TTF1: variants seen among roughly 807,000 people sequenced by gnomAD.
The protein encoded by TTF1 is transcription termination factor, RNA polymerase I.
In TTF1, 64 loss-of-function variants were observed where a neutral mutation model predicts 80.2. The observed-to-expected ratio is 0.80, with a 90% confidence interval of 0.65 to 0.98. TTF1 has a LOEUF of 0.98. Among genes scored for constraint, TTF1 ranks in the 50% least tolerant of loss-of-function variants. TTF1 has a pLI of 0.00. For missense variants in TTF1, 1,023 were observed against 1,086.2 expected, an observed-to-expected ratio of 0.94 and a Z score of 0.82; for synonymous variants, 372 against 382.7, an observed-to-expected ratio of 0.97 and a Z score of 0.33.
chr9:132,398,507 A>G (rs1432009915), intron 3 of TTF1, among the ~76,000 whole-genome samples, 181 bp from the exon 4 acceptor site: 1 of 152,012 alleles, frequency 6.6e-6, no homozygotes, highest in East Asian at 1.9e-4. Context: ...CCCAAGCCAC[A>G]CCTCTTCTGT....
chr9:132,387,654 C>T (rs891937028), intron 8 of TTF1, among the ~76,000 whole-genome samples: 5 of 152,086 alleles, frequency 3.3e-5, no homozygotes, highest in Admixed American at 1.3e-4. Context: ...CATCACGAAA[C>T]GGGCCCATGT....
intron 1 of TTF1, among the ~76,000 whole-genome samples, chr9:132,405,907 C>T (rs1252014530): frequency 5.3e-5 from 8 of 152,236 alleles, no homozygotes; most frequent in Non-Finnish European, 1.2e-4. Flanking sequence ...TGCCCTTTAA[C>T]TGGTCCAAGT....
rs149083466 is a variant in TTF1, at chr9:132,403,915, G to C, written c.-7-1087C>G. 3.8e-3 allele frequency among the ~76,000 whole-genome samples: 573 copies of C among 152,216 alleles called. 3 individuals carry two copies. The highest frequency in any genetic ancestry group is 0.013 in the African/African-American group (530 of 41,554). ...AGAGCGGACGTTCTGCGATACACTG[G>C]AATAAATTTCACAAGCCACTAACGT... On this transcript the variant is annotated intron_variant, in intron 1 of 10. Coordinates refer to ENST00000334270, the MANE Select transcript of TTF1 (RefSeq NM_007344.4).
intron 6 of TTF1, among the ~76,000 whole-genome samples, chr9:132,391,145 T>G (rs563949231): frequency 2.4e-4 from 37 of 152,332 alleles, no homozygotes; most frequent in Admixed American, 1.8e-3. Flanking sequence ...TTCCCAAACA[T>G]TTAATGGGGG....
At chr9:132,380,565 T>C (rs1181465322) in intron 9 of TTF1, among the ~76,000 whole-genome samples, 2 of 152,194 alleles carry the variant, frequency 1.3e-5, no homozygotes, top group Non-Finnish European at 2.9e-5. Context: ...CCCATAATGC[T>C]GTGCGCCCAA....
In TTF1 at chr9:132,379,630, C is replaced by T. The variant is rs563938819; in HGVS notation, c.2379-486G>A. 5.3e-5 allele frequency among the ~76,000 whole-genome samples: 8 copies of T among 152,288 alleles called. No individual in the cohort carries two copies. The South Asian group carries it at 1.7e-3, about 32-fold the overall frequency. On this transcript the variant is annotated intron_variant, in intron 9 of 10. Transcript: ENST00000334270. ...CTCACATGGCTAATCAGGGATAGAGCTGGGACTTCATCAAGTAGTGTGACT... is the reference window on the plus strand; with the variant it reads ...CTCACATGGCTAATCAGGGATAGAGTTGGGACTTCATCAAGTAGTGTGACT...
rs1371589855 is a variant in TTF1, at chr9:132,386,685, C to T, written c.2313-64G>A. 9 of 1,349,148 alleles carry T rather than the reference C, an allele frequency of 6.7e-6. No homozygotes were observed. In the South Asian group the frequency reaches 7.2e-5, roughly 11 times the overall value. 83.6% of individuals were successfully genotyped at this position (1,349,148 alleles called of 1,614,324 possible). ...TAATCATGATAGCCATCTTCATGGACGCGTGGAGTGCTGAGAGCTGGAAGG... is the reference window on the plus strand; with the variant it reads ...TAATCATGATAGCCATCTTCATGGATGCGTGGAGTGCTGAGAGCTGGAAGG... On this transcript the variant is annotated intron_variant, in intron 8 of 10. Transcript: ENST00000334270.
In TTF1 at chr9:132,406,590, A is replaced by G. The variant is rs191275863; in HGVS notation, c.-8+200T>C. On this transcript the variant is annotated intron_variant, in intron 1 of 10. Coordinates refer to ENST00000334270, the MANE Select transcript of TTF1 (RefSeq NM_007344.4). Reference sequence around the variant, plus strand: ...GCACTCCAGCCTGGGCGACAAGAGCAAAACTCCATCTTTAAAAAAAAAAAA... The same window carrying G: ...GCACTCCAGCCTGGGCGACAAGAGCGAAACTCCATCTTTAAAAAAAAAAAA... Among the ~76,000 whole-genome samples, 3 of 138,514 alleles carry G rather than the reference A, an allele frequency of 2.2e-5. No individual in the cohort carries two copies. In the East Asian group the frequency reaches 6.1e-4, roughly 28 times the overall value. The allele number at this position is 138,514 out of a possible 152,430, so 90.9% of individuals were successfully genotyped here. A position where few individuals can be genotyped will look rare whatever the true frequency, so the allele number is the denominator to read the frequency against.
At chr9:132,399,742 G>A (rs1381989091) in intron 3 of TTF1, among the ~76,000 whole-genome samples, 3 of 152,114 alleles carry the variant, frequency 2.0e-5, no homozygotes, top group Admixed American at 6.5e-5. Context: ...CATTTCCAGT[G>A]TCTCAACCAA....
At chr9:132,392,287 T>C (rs1015792796) in intron 5 of TTF1, 81 bp from the exon 6 acceptor site, 3 of 1,541,988 alleles carry the variant, frequency 1.9e-6, no homozygotes. Context: ...TACGCAGCAA[T>C]CGTGGGGAAA....
At position 132,377,173 on chromosome 9, in the gene TTF1, TGTG is replaced by T. The variant is rs558410347; in HGVS notation, c.2465-1008_2465-1006del. ...TGCATGCATGTGGTGAGTGCATGCATGTGGTGTGTGAGTGCATGCATGTGGTGT... is the reference window on the plus strand; with the variant it reads ...TGCATGCATGTGGTGAGTGCATGCATGTGTGTGAGTGCATGCATGTGGTGT... On this transcript the variant is annotated intron_variant, in intron 10 of 10. Coordinates refer to ENST00000334270, the MANE Select transcript of TTF1 (RefSeq NM_007344.4). Among the ~76,000 whole-genome samples the T allele has an allele frequency of 4.1e-5, 6 of 145,186 alleles. No homozygotes were observed. In the East Asian group the frequency reaches 8.5e-4, roughly 21 times the overall value.
At chr9:132,389,686 A>G (rs1849527535) in intron 7 of TTF1, among the ~76,000 whole-genome samples, 1 of 152,138 alleles carries the variant, frequency 6.6e-6, no homozygotes, top group African/African-American at 2.4e-5. Context: ...TTCATGTGCA[A>G]GGTAGGGGGG....
At chr9:132,379,289 T>C (rs1849324978) in intron 9 of TTF1, 145 bp from the exon 10 acceptor site, 2 of 501,600 alleles carry the variant, frequency 4.0e-6, no homozygotes, top group Non-Finnish European at 6.7e-6. Flanking sequence ...GTGATACAAA[T>C]ATGACACAAT....
chr9:132,400,102 C>T lies in TTF1; in HGVS notation c.1524G>A (p.Arg508=). ...LQEFIPNIKD[R]ATSTIKRMYR... ...ACATCCGCTTGATTGTGCTGGTGGC[C>T]CTGTCCTTGATGTTAGGAATGAACT... The change falls in exon 3 of 11, where the codon AGG becomes AGA. Residue 508 remains arginine, a synonymous_variant. Transcript: ENST00000334270. 1 of 1,614,104 alleles carries T rather than the reference C, an allele frequency of 6.2e-7. No homozygotes were observed. Among genetic ancestry groups the T allele is most frequent in the East Asian group, 2.2e-5 (1 of 44,878 alleles).
chr9:132,403,524 G>C (rs1476840690), intron 1 of TTF1, among the ~76,000 whole-genome samples: 1 of 151,876 alleles, frequency 6.6e-6, no homozygotes, highest in Non-Finnish European at 1.5e-5. Context: ...CTTGCCTCCT[G>C]CCATCCTTCA....
chr9:132,404,517 C>T (rs548958958), intron 1 of TTF1, among the ~76,000 whole-genome samples: 2 of 152,116 alleles, frequency 1.3e-5, no homozygotes, highest in African/African-American at 4.8e-5. Flanking sequence ...GGTGGTCTCT[C>T]CGTATCTTCT....
At chr9:132,378,058 G>A (rs1849265467) in intron 10 of TTF1, among the ~76,000 whole-genome samples, 1 of 129,424 alleles carries the variant, frequency 7.7e-6, no homozygotes, top group Non-Finnish European at 1.6e-5. Flanking sequence ...TGCATGTGGT[G>A]TGTGAGTGCA....
intron 4 of TTF1, among the ~76,000 whole-genome samples, chr9:132,397,211 C>T (rs931831958): frequency 3.3e-5 from 5 of 152,136 alleles, no homozygotes; most frequent in Non-Finnish European, 4.4e-5. Context: ...GAGAACACTG[C>T]GGTGGAGAAT....
At chr9:132,397,313 G>A (rs1052196148) in intron 4 of TTF1, among the ~76,000 whole-genome samples, 2 of 152,152 alleles carry the variant, frequency 1.3e-5, no homozygotes, top group African/African-American at 4.8e-5. Flanking sequence ...ATCCCTCAAC[G>A]GGGGCGTACT....
Sources: gnomAD v4.1 joint callset for allele counts (sites outside exome capture counted in the v4.1 genomes callset) on GRCh38, gnomAD v4.1.1 for gene constraint, MANE v1.5 for transcripts, NCBI Gene and HGNC (gene_info 2026-07-23, HGNC 2026-07-21) for gene names.